SCUBE1: variants seen among roughly 807,000 people sequenced by gnomAD.
SCUBE1 encodes the protein signal peptide, CUB domain and EGF like domain containing 1, also known as signal peptide, CUB and EGF-like domain-containing protein 1.
In SCUBE1, 59 loss-of-function variants were observed where a neutral mutation model predicts 124.4. The ratio of observed to expected loss-of-function variants is 0.47; its 90% CI spans 0.38 to 0.59. The LOEUF is 0.59. SCUBE1 is among the 20% of genes least tolerant of loss of function. The probability of loss-of-function intolerance (pLI) is 0.00; values close to 1 mark genes in which losing one functional copy is unlikely to be tolerated. For missense variants in SCUBE1, 1,150 were observed against 1,371.2 expected, an observed-to-expected ratio of 0.84 and a Z score of 2.55; for synonymous variants, 545 against 550.9, an observed-to-expected ratio of 0.99 and a Z score of 0.15.
intron 6 of SCUBE1, among the ~76,000 whole-genome samples, chr22:43,248,148 GATGT>G (rs1923292565): frequency 1.3e-5 from 2 of 152,244 alleles, no homozygotes; most frequent in African/African-American, 4.8e-5. Context: ...CAGGCAGTGA[GATGT>G]GGTCTTGGAT....
intron 2 of SCUBE1, among the ~76,000 whole-genome samples, chr22:43,337,385 AG>A (rs1276619761): frequency 3.9e-5 from 6 of 152,216 alleles, no homozygotes; most frequent in Admixed American, 3.9e-4. Flanking sequence ...CAGCAGAGAT[AG>A]GGGGGTCAAC....
intron 3 of SCUBE1, among the ~76,000 whole-genome samples, chr22:43,295,309 C>A (rs1756430027): frequency 6.6e-6 from 1 of 152,262 alleles, no homozygotes; most frequent in Admixed American, 6.5e-5. Context: ...TCCTTCACTA[C>A]TTCCTTCCTC....
chr22:43,315,746 G>A (rs1292271267), intron 3 of SCUBE1, among the ~76,000 whole-genome samples: 1 of 151,024 alleles, frequency 6.6e-6, no homozygotes, highest in Non-Finnish European at 1.5e-5. Context: ...CTCAGAGGTG[G>A]TGGGGCGGGG....
chr22:43,218,639 G>A (rs1921945597), intron 14 of SCUBE1, among the ~76,000 whole-genome samples, 181 bp from the exon 15 acceptor site: 1 of 152,244 alleles, frequency 6.6e-6, no homozygotes, highest in South Asian at 2.1e-4. Flanking sequence ...GGAGGCTGCG[G>A]ACCTGGGAGG....
intron 6 of SCUBE1, among the ~76,000 whole-genome samples, chr22:43,252,233 G>A (rs968390275): frequency 1.2e-4 from 18 of 152,176 alleles, no homozygotes; most frequent in Admixed American, 6.5e-4. Context: ...CTCTCTCTCC[G>A]GCCACATTCT....
At chr22:43,239,640 GC>G (rs1922921407) in intron 6 of SCUBE1, among the ~76,000 whole-genome samples, 1 of 152,250 alleles carries the variant, frequency 6.6e-6, no homozygotes, top group South Asian at 2.1e-4. Context: ...CCGTGAGTGA[GC>G]CCCCTCAGGC....
chr22:43,272,115 G>A (rs1268427749), intron 4 of SCUBE1, among the ~76,000 whole-genome samples: 1 of 152,158 alleles, frequency 6.6e-6, no homozygotes, highest in Non-Finnish European at 1.5e-5. Flanking sequence ...GGTCCCTCAA[G>A]GGAACTCTGC....
chr22:43,233,562 G>A (rs950682211), intron 7 of SCUBE1: 1 of 152,240 alleles, frequency 6.6e-6, no homozygotes, highest in African/African-American at 2.4e-5. Flanking sequence ...TCCTGGGCAT[G>A]GTTGCTGAGC....
chr22:43,202,935 C>A lies in SCUBE1; in HGVS notation c.*1062G>T, dbSNP rs75115938. On this transcript the variant is annotated 3_prime_UTR_variant, in exon 22 of 22. Coordinates refer to ENST00000360835, the MANE Select transcript of SCUBE1 (RefSeq NM_173050.5). Reference sequence around the variant, plus strand: ...TTCCTGCTGACACCTGGGCATAGTACGGACCCCAAGGTCACTGCCACAGGG... The same window carrying A: ...TTCCTGCTGACACCTGGGCATAGTAAGGACCCCAAGGTCACTGCCACAGGG... 91 of 152,390 alleles carry A rather than the reference C, an allele frequency of 6.0e-4. No homozygotes were observed. Among genetic ancestry groups the A allele is most frequent in the African/African-American group, 2.1e-3 (88 of 41,554 alleles). 9.4% of individuals were successfully genotyped at this position (152,390 alleles called of 1,614,324 possible). A position where few individuals can be genotyped will look rare whatever the true frequency, so the allele number is the denominator to read the frequency against.
At chr22:43,320,986 C>T (rs1569029875) in intron 2 of SCUBE1, among the ~76,000 whole-genome samples, 1 of 152,174 alleles carries the variant, frequency 6.6e-6, no homozygotes, top group Non-Finnish European at 1.5e-5. Context: ...TCTTCAGCAT[C>T]CCCCTGAGAC....
intron 3 of SCUBE1, among the ~76,000 whole-genome samples, chr22:43,296,793 T>A (rs1356663669): frequency 8.6e-6 from 1 of 116,818 alleles, no homozygotes. Context: ...GCAAGGGAGC[T>A]GGGAGGAAGA....
intron 3 of SCUBE1, among the ~76,000 whole-genome samples, chr22:43,291,835 T>G (rs1394067594): frequency 6.6e-6 from 1 of 152,180 alleles, no homozygotes; most frequent in Non-Finnish European, 1.5e-5. Flanking sequence ...ACCCTGTAAG[T>G]CAGATCCAGG....
Position 43,258,919 on chromosome 22 carries a change from C to T in SCUBE1, c.611-584G>A, listed in dbSNP as rs977986201. Among the ~76,000 whole-genome samples, 2 of 152,136 alleles carry T rather than the reference C, an allele frequency of 1.3e-5. No individual in the cohort carries two copies. Among genetic ancestry groups the T allele is most frequent in the Admixed American group, 6.5e-5 (1 of 15,276 alleles). On this transcript the variant is annotated intron_variant, in intron 5 of 21. Transcript: ENST00000360835. This position sits in a 1 kb window ranked among gnomAD's most constrained non-coding sequence, Gnocchi z 5.0. ...AATCCTCCGGGAGCTCGGCAATGTC[C>T]GAACAGACAGACTCATGCAAGTTAA...
At chr22:43,223,532 G>T (rs781551304) in intron 10 of SCUBE1, among the ~76,000 whole-genome samples, 3 of 152,218 alleles carry the variant, frequency 2.0e-5, no homozygotes, top group East Asian at 1.9e-4. Context: ...ATTCCCACTG[G>T]GGAAAGGAAC....
At chr22:43,273,519 CTTG>C (rs1036457429) in intron 4 of SCUBE1, among the ~76,000 whole-genome samples, 1 of 142,880 alleles carries the variant, frequency 7.0e-6, no homozygotes, top group Non-Finnish European at 1.5e-5. Flanking sequence ...GGTTTTAGAA[CTTG>C]TTGTTGCCTA....
At chr22:43,208,245 C>T (rs779166352) in intron 19 of SCUBE1, 21 bp from the exon 20 acceptor site, 7 of 1,613,114 alleles carry the variant, frequency 4.3e-6, no homozygotes, top group South Asian at 3.3e-5. Flanking sequence ...AGCATCATTG[C>T]TGAGCTGCCA....
At chr22:43,265,738 G>A (rs555728720) in intron 4 of SCUBE1, among the ~76,000 whole-genome samples, 1 of 152,340 alleles carries the variant, frequency 6.6e-6, no homozygotes, top group East Asian at 1.9e-4. Context: ...CAGCTATCGA[G>A]ACTGGCTAGA....
At chr22:43,329,605 A>T (rs1351308138) in intron 2 of SCUBE1, among the ~76,000 whole-genome samples, 1 of 152,148 alleles carries the variant, frequency 6.6e-6, no homozygotes, top group East Asian at 1.9e-4. Context: ...CCCTGGAGGG[A>T]GTGGGGAGTG....
rs1482956439 is a variant in SCUBE1, at chr22:43,335,843, AATG to A, written c.220+3258_220+3260del. Among the ~76,000 whole-genome samples the A allele has an allele frequency of 1.2e-4, 8 of 65,160 alleles. 1 individual carries two copies. The highest frequency in any genetic ancestry group is 4.5e-4 in the African/African-American group (7 of 15,680). 42.7% of individuals were successfully genotyped at this position (65,160 alleles called of 152,430 possible). Reference sequence around the variant, plus strand: ...TGGTGATGATGATGGTGATGATGATAATGATGATGGTGGTGATGATGGTGATGG... The same window carrying A: ...TGGTGATGATGATGGTGATGATGATAATGATGGTGGTGATGATGGTGATGG... On this transcript the variant is annotated intron_variant, in intron 2 of 21. Transcript: ENST00000360835.
Sources: gnomAD v4.1 joint callset for allele counts (sites outside exome capture counted in the v4.1 genomes callset) on GRCh38, gnomAD v4.1.1 for gene constraint, Gnocchi (gnomAD v3.1) non-coding constraint, MANE v1.5 for transcripts, NCBI Gene and HGNC (gene_info 2026-07-23, HGNC 2026-07-21) for gene names.